GABRG3: variants seen among roughly 807,000 people sequenced by gnomAD.
GABRG3 encodes the protein gamma-aminobutyric acid type A receptor subunit gamma3.
GABRG3 carries 25 observed loss-of-function variants against 48.8 expected under a neutral mutation model. That is an observed-to-expected ratio of 0.51 (90% CI 0.37 to 0.72). The LOEUF is 0.72. Among genes scored for constraint, GABRG3 ranks in the 30% least tolerant of loss-of-function variants. GABRG3 has a pLI of 0.00. For synonymous variants in GABRG3, 227 were observed against 217.6 expected (o/e 1.04, Z -0.38); for missense variants, 394 against 577.9 (o/e 0.68, Z 3.26).
At chr15:27,216,283 T>C (rs1889243566) in intron 3 of GABRG3, among the ~76,000 whole-genome samples, 1 of 152,130 alleles carries the variant, frequency 6.6e-6, no homozygotes, top group South Asian at 2.1e-4. Context: ...TGAGCGAAGG[T>C]GAAGTATATC....
intron 5 of GABRG3, among the ~76,000 whole-genome samples, chr15:27,341,854 A>G (rs1185395211): frequency 6.6e-6 from 1 of 152,192 alleles, no homozygotes; most frequent in African/African-American, 2.4e-5. Flanking sequence ...GATGAAGATT[A>G]AAAAATATGT....
intron 3 of GABRG3, among the ~76,000 whole-genome samples, chr15:27,165,966 A>C (rs1005259085): frequency 6.6e-6 from 1 of 152,138 alleles, no homozygotes; most frequent in African/African-American, 2.4e-5. Flanking sequence ...GCAAAGCTAC[A>C]AAGCAGGGGA....
Position 27,501,062 on chromosome 15 carries a change from C to T in GABRG3, c.713-18910C>T, listed in dbSNP as rs564673383. Among the ~76,000 whole-genome samples, 11 of 150,648 alleles carry T rather than the reference C, an allele frequency of 7.3e-5. No homozygotes were observed. The East Asian group carries it at 2.2e-3, about 30-fold the overall frequency. ...CGCCTCCCGGGTTCACACCATTCTC[C>T]TGCCTCAGCCTCCCGAGTAGCTGGG... is the stretch of plus-strand genomic sequence containing the variant. On this transcript the variant is annotated intron_variant, in intron 6 of 9. Transcript: ENST00000615808.
At chr15:27,489,421 A>G (rs1280548050) in intron 6 of GABRG3, among the ~76,000 whole-genome samples, 1 of 152,148 alleles carries the variant, frequency 6.6e-6, no homozygotes, top group Non-Finnish European at 1.5e-5. Flanking sequence ...ATCAAATGGT[A>G]TTTCTGGTTC....
At chr15:27,202,492 C>T (rs1168621347) in intron 3 of GABRG3, among the ~76,000 whole-genome samples, 3 of 152,162 alleles carry the variant, frequency 2.0e-5, no homozygotes, top group Non-Finnish European at 4.4e-5. Flanking sequence ...AATAGATTGG[C>T]AGGTTGCTTT....
At chr15:27,155,474 T>C (rs1056425135) in intron 3 of GABRG3, among the ~76,000 whole-genome samples, 4 of 152,200 alleles carry the variant, frequency 2.6e-5, no homozygotes, top group African/African-American at 9.7e-5. Context: ...CTTGGTAGAA[T>C]GGGCTGAGTG....
chr15:27,015,857 T>C (rs966861825), intron 2 of GABRG3, among the ~76,000 whole-genome samples: 1 of 152,194 alleles, frequency 6.6e-6, no homozygotes, highest in African/African-American at 2.4e-5. Flanking sequence ...TGATTTCTTG[T>C]TTCATTCCAT....
chr15:27,103,817 A>T (rs932320668), intron 3 of GABRG3, among the ~76,000 whole-genome samples: 4 of 152,176 alleles, frequency 2.6e-5, no homozygotes, highest in African/African-American at 9.7e-5. Context: ...CAATATCAAT[A>T]GCTTGGGGCA....
chr15:27,419,899 C>T (rs1888059013), intron 5 of GABRG3, among the ~76,000 whole-genome samples: 1 of 152,076 alleles, frequency 6.6e-6, no homozygotes, highest in Non-Finnish European at 1.5e-5. Context: ...ACTGGAAGAA[C>T]AAAACTTCTT....
intron 3 of GABRG3, among the ~76,000 whole-genome samples, chr15:27,238,094 AT>A: frequency 7.2e-6 from 1 of 139,716 alleles, no homozygotes; most frequent in Non-Finnish European, 1.6e-5. Context: ...GTGTGATGGG[AT>A]CATCTTGAGA....
rs1439044966 is a variant in GABRG3, at chr15:27,307,064, T to TTTATATATAAAC, written c.271-19745_271-19744insTTATATATAAAC. ...ATAAACATGTTTATATATAAACATG[T>TTTATATATAAAC]ATAATATAAACATGTTTATATATAA... On this transcript the variant is annotated intron_variant, in intron 3 of 9. Coordinates refer to ENST00000615808, the MANE Select transcript of GABRG3 (RefSeq NM_033223.5). Among the ~76,000 whole-genome samples, 129 of 120,378 alleles carry TTTATATATAAAC rather than the reference T, an allele frequency of 1.1e-3. 5 individuals are homozygous for TTTATATATAAAC. Among genetic ancestry groups the TTTATATATAAAC allele is most frequent in the African/African-American group, 4.8e-3 (123 of 25,862 alleles). 79.0% of individuals were successfully genotyped at this position (120,378 alleles called of 152,430 possible). A position where few individuals can be genotyped will look rare whatever the true frequency, so the allele number is the denominator to read the frequency against.
At chr15:27,286,161 T>A (rs1319090611) in intron 3 of GABRG3, among the ~76,000 whole-genome samples, 1 of 152,246 alleles carries the variant, frequency 6.6e-6, no homozygotes, top group Non-Finnish European at 1.5e-5. Flanking sequence ...TTTTCTGAAT[T>A]CTTCCATGGA....
chr15:27,201,299 T>G (rs1888672117), intron 3 of GABRG3, among the ~76,000 whole-genome samples: 2 of 140,710 alleles, frequency 1.4e-5, no homozygotes, highest in South Asian at 2.5e-4. Context: ...CACAGGGAGG[T>G]TGGTGGACAG....
At chr15:27,327,553 C>T (rs1186385281) in intron 4 of GABRG3, among the ~76,000 whole-genome samples, 2 of 152,222 alleles carry the variant, frequency 1.3e-5, no homozygotes, top group Non-Finnish European at 2.9e-5. Flanking sequence ...GAGCCTGTCT[C>T]TCCCAGGTCT....
chr15:27,140,274 A>C (rs1196859174), intron 3 of GABRG3, among the ~76,000 whole-genome samples: 2 of 152,068 alleles, frequency 1.3e-5, no homozygotes, highest in Non-Finnish European at 2.9e-5. Context: ...TCAACCCGTG[A>C]GGGCTGACGC....
chr15:27,521,342 T>A (rs1056120797), intron 7 of GABRG3, among the ~76,000 whole-genome samples: 4 of 152,124 alleles, frequency 2.6e-5, no homozygotes. Context: ...AGACGTCCTT[T>A]AATGAAGCTT....
intron 3 of GABRG3, among the ~76,000 whole-genome samples, chr15:27,306,364 TATATATA>T (rs1364898558): frequency 7.0e-5 from 3 of 42,898 alleles, no homozygotes; most frequent in East Asian, 2.9e-4. Flanking sequence ...CATATAAACA[TATATATA>T]ATATAAACAT....
chr15:27,470,513 G>A (rs1889755421), intron 5 of GABRG3, among the ~76,000 whole-genome samples: 1 of 151,508 alleles, frequency 6.6e-6, no homozygotes, highest in Admixed American at 6.6e-5. Flanking sequence ...GATTACAGGT[G>A]TGAGGGTGTA....
chr15:27,008,335 CAAT>C (rs1161695285), intron 2 of GABRG3, among the ~76,000 whole-genome samples: 15 of 152,180 alleles, frequency 9.9e-5, no homozygotes, highest in Non-Finnish European at 1.9e-4. Context: ...AACTCACTCT[CAAT>C]AGTCTCATAT....
Sources: allele counts gnomAD v4.1 joint callset (sites outside exome capture counted in the v4.1 genomes callset), GRCh38; gene constraint gnomAD v4.1.1; transcripts MANE v1.5; gene names NCBI Gene and HGNC (gene_info 2026-07-23, HGNC 2026-07-21).